SGCZ: variants seen among roughly 807,000 people sequenced by gnomAD.
SGCZ encodes zeta-sarcoglycan.
A neutral mutation model predicts 41.3 loss-of-function variants in SGCZ; 40 were observed. That is an observed-to-expected ratio of 0.97 (90% CI 0.75 to 1.26). The LOEUF is 1.26. Ranked by LOEUF, SGCZ falls within the 50% of genes most tolerant of loss-of-function variation. The probability of loss-of-function intolerance (pLI) is 0.00; values close to 1 mark genes in which losing one functional copy is unlikely to be tolerated. For missense variants in SGCZ, 552 were observed against 369.8 expected (o/e 1.49, Z -4.04); for synonymous variants, 206 against 137.5 (o/e 1.50, Z -3.49).
At chr8:14,760,054 C>T (rs1799812049) in intron 1 of SGCZ, among the ~76,000 whole-genome samples, 1 of 152,138 alleles carries the variant, frequency 6.6e-6, no homozygotes, top group Non-Finnish European at 1.5e-5. Flanking sequence ...CACAATTCCT[C>T]TAACTAACCC....
intron 3 of SGCZ, among the ~76,000 whole-genome samples, chr8:14,253,985 TACAG>T (rs1799377285): frequency 1.3e-5 from 2 of 152,106 alleles, no homozygotes; most frequent in African/African-American, 4.8e-5. Flanking sequence ...AGAACAAACA[TACAG>T]AAAGAAAAAC....
At chr8:15,201,223 G>A (rs1293904587) in intron 1 of SGCZ, among the ~76,000 whole-genome samples, 1 of 152,084 alleles carries the variant, frequency 6.6e-6, no homozygotes, top group South Asian at 2.1e-4. Context: ...CACCATGTTG[G>A]CCGGGCTGGT....
intron 4 of SGCZ, among the ~76,000 whole-genome samples, chr8:14,212,041 T>A (rs2117097792): frequency 6.6e-6 from 1 of 152,264 alleles, no homozygotes; most frequent in East Asian, 1.9e-4. Context: ...CTCTATCTGC[T>A]ATTCTGTATG....
At chr8:14,808,259 T>C (rs570711247) in intron 1 of SGCZ, among the ~76,000 whole-genome samples, 4,278 of 151,996 alleles carry the variant, frequency 0.028, 76 homozygotes, top group Middle Eastern at 0.051. Flanking sequence ...AGAGCTTCTG[T>C]ACAGCAAAAG....
At chr8:14,417,286 T>C (rs1799519744) in intron 2 of SGCZ, among the ~76,000 whole-genome samples, 1 of 151,950 alleles carries the variant, frequency 6.6e-6, no homozygotes, top group East Asian at 1.9e-4. Flanking sequence ...AATTTCTTCC[T>C]TCAGTAGTTC....
chr8:14,239,248 A>AACACACAC (rs36209114), intron 3 of SGCZ, among the ~76,000 whole-genome samples: 7 of 149,262 alleles, frequency 4.7e-5, no homozygotes, highest in African/African-American at 1.7e-4. Context: ...TTCATACATG[A>AACACACAC]ACACACACAC....
intron 1 of SGCZ, among the ~76,000 whole-genome samples, chr8:14,573,683 G>C (rs1307952982): frequency 6.6e-6 from 1 of 152,046 alleles, no homozygotes; most frequent in Non-Finnish European, 1.5e-5. Context: ...TCCAGCATCA[G>C]TGTAAAAAAT....
chr8:15,224,648 C>T (rs534002045), intron 1 of SGCZ, among the ~76,000 whole-genome samples: 7 of 152,156 alleles, frequency 4.6e-5, no homozygotes, highest in East Asian at 1.9e-4. Flanking sequence ...ATTATCCAAA[C>T]GGATTTCTAA....
intron 3 of SGCZ, among the ~76,000 whole-genome samples, chr8:14,287,008 T>C (rs1226627737): frequency 2.0e-5 from 3 of 152,012 alleles, no homozygotes; most frequent in Admixed American, 2.0e-4. Context: ...ATTAGCCATG[T>C]TTTTGAGAGT....
At chr8:14,541,540 T>C (rs1803467640) in intron 2 of SGCZ, among the ~76,000 whole-genome samples, 1 of 152,102 alleles carries the variant, frequency 6.6e-6, no homozygotes, top group African/African-American at 2.4e-5. Context: ...ATCCAGTCTA[T>C]CATTGATGGG....
chr8:15,157,063 A>C (rs900202687), intron 1 of SGCZ, among the ~76,000 whole-genome samples: 1 of 152,190 alleles, frequency 6.6e-6, no homozygotes, highest in Non-Finnish European at 1.5e-5. Flanking sequence ...ATGAACAGTG[A>C]ACCTCCAATT....
At chr8:14,460,804 A>C (rs1585545539) in intron 2 of SGCZ, among the ~76,000 whole-genome samples, 1 of 152,184 alleles carries the variant, frequency 6.6e-6, no homozygotes, top group Admixed American at 6.6e-5. Flanking sequence ...GGAGTCTAAA[A>C]TTTGTATTCA....
At position 14,406,583 on chromosome 8, in the gene SGCZ, C is replaced by G. The variant is rs145454827; in HGVS notation, c.235-82379G>C. 5.3e-3 allele frequency among the ~76,000 whole-genome samples: 799 copies of G among 152,178 alleles called. 10 individuals carry two copies. Among genetic ancestry groups the G allele is most frequent in the African/African-American group, 0.018 (734 of 41,522 alleles). On this transcript the variant is annotated intron_variant, in intron 2 of 7. Coordinates refer to ENST00000382080, the MANE Select transcript of SGCZ (RefSeq NM_139167.4). ...AGCTAAGAGGTGGAACTCTACTGCC[C>G]AGGTGGGGCTCGGGCACTAGATCAA...
In SGCZ at chr8:14,248,965, T is replaced by C. The variant is rs193112373; in HGVS notation, c.337-11286A>G. On this transcript the variant is annotated intron_variant, in intron 3 of 7. Transcript: ENST00000382080. ...GAATTACAAAATATAAACAATTGGA[T>C]ATAAACTCAAATAAGTACAACACAG... is the stretch of plus-strand genomic sequence containing the variant. 2.6e-5 allele frequency among the ~76,000 whole-genome samples: 4 copies of C among 152,310 alleles called. No homozygotes were observed. The East Asian group carries it at 7.7e-4, about 29-fold the overall frequency.
At chr8:14,143,424 G>C (rs1411715780) in intron 5 of SGCZ, among the ~76,000 whole-genome samples, 1 of 152,144 alleles carries the variant, frequency 6.6e-6, no homozygotes, top group Non-Finnish European at 1.5e-5. Flanking sequence ...AAATCCCAAG[G>C]AATGTGAAAA....
chr8:14,981,271 A>AAT (rs1801654195), intron 1 of SGCZ, among the ~76,000 whole-genome samples: 1 of 152,214 alleles, frequency 6.6e-6, no homozygotes, highest in South Asian at 2.1e-4. Context: ...TCAGTTACAT[A>AAT]ATAGTTCACA....
chr8:15,124,530 G>C (rs1420038858), intron 1 of SGCZ, among the ~76,000 whole-genome samples: 9 of 152,128 alleles, frequency 5.9e-5, no homozygotes. Flanking sequence ...ATTCTAAATA[G>C]AAGAGGATTT....
At chr8:14,474,234 C>T (rs113507887) in intron 2 of SGCZ, among the ~76,000 whole-genome samples, 396 of 152,238 alleles carry the variant, frequency 2.6e-3, no homozygotes, top group African/African-American at 8.8e-3. Flanking sequence ...CACATGAAAA[C>T]GAGAATAAAA....
intron 1 of SGCZ, among the ~76,000 whole-genome samples, chr8:14,565,419 G>C (rs1172064133): frequency 6.6e-6 from 1 of 151,742 alleles, no homozygotes; most frequent in East Asian, 1.9e-4. Flanking sequence ...GAAATACTTA[G>C]CCATTAATGC....
Sources: allele counts gnomAD v4.1 joint callset (sites outside exome capture counted in the v4.1 genomes callset), GRCh38; gene constraint gnomAD v4.1.1; transcripts MANE v1.5; gene names NCBI Gene and HGNC (gene_info 2026-07-23, HGNC 2026-07-21).